The following CCDC174 variants were observed in gnomAD, a reference collection of about 807,000 sequenced individuals.
CCDC174 encodes the protein coiled-coil domain-containing protein 174.
In CCDC174, 37 loss-of-function variants were observed where a neutral mutation model predicts 57.1. The observed-to-expected ratio is 0.65, with a 90% CI of 0.50 to 0.85. The LOEUF is 0.85. CCDC174 is among the 40% of genes least tolerant of loss of function. The probability of loss-of-function intolerance (pLI) is 0.00; values close to 1 mark genes in which losing one functional copy is unlikely to be tolerated. For missense variants in CCDC174, 540 were observed against 574.3 expected, an observed-to-expected ratio of 0.94 and a Z score of 0.61; for synonymous variants, 182 against 190.2, an observed-to-expected ratio of 0.96 and a Z score of 0.35.
At chr3:14,654,296 C>T (rs2030876235) in intron 1 of CCDC174, 130 bp from the exon 2 acceptor site, 1 of 639,450 alleles carries the variant, frequency 1.6e-6, no homozygotes, top group Non-Finnish European at 2.8e-6. Flanking sequence ...GTTACTTAAA[C>T]ATTTAGTTTT....
rs1307611289 is a variant in CCDC174, at chr3:14,661,590, A to G, written c.368A>G (p.Lys123Arg). 1.2e-6 allele frequency: 2 copies of G among 1,614,100 alleles called. No individual in the cohort carries two copies. The highest frequency in any genetic ancestry group is 2.2e-5 in the East Asian group (1 of 44,900). ...DFTQKIIDKR[K>R]EMEASGAHRD... is the part of the protein sequence containing the mutation. ...ACACAGAAGATCATAGACAAGCGCA[A>G]AGAAATGGAGGCATCTGGTGCCCAT... is the stretch of plus-strand genomic sequence containing the variant. Residue 123 changes from lysine to arginine, a missense_variant, in exon 5 of 11, where the codon AAA (lysine) becomes AGA (arginine). Physicochemically the swap from Lys to Arg is conservative, Grantham distance 26. Coordinates refer to ENST00000383794, the MANE Select transcript of CCDC174 (RefSeq NM_016474.5).
chr3:14,667,551 G>C lies in CCDC174; in HGVS notation c.819+33G>C, dbSNP rs2280382. ...TAAATCCCAAGTGACTGTGAGGAAAGATGTGAGCGCTTGGTTTCTTGCTGG... is the reference window on the plus strand; with the variant it reads ...TAAATCCCAAGTGACTGTGAGGAAACATGTGAGCGCTTGGTTTCTTGCTGG... On this transcript the variant is annotated intron_variant, in intron 8 of 10. Coordinates refer to ENST00000383794, the MANE Select transcript of CCDC174 (RefSeq NM_016474.5). 187,616 of 1,532,718 alleles carry C rather than the reference G, an allele frequency of 0.12. 12,328 individuals are homozygous for C. The highest frequency in any genetic ancestry group is 0.23 in the Middle Eastern group (1,329 of 5,886). The allele number at this position is 1,532,718 out of a possible 1,614,324, so 94.9% of individuals were successfully genotyped here.
intron 3 of CCDC174, among the ~76,000 whole-genome samples, chr3:14,658,393 A>G (rs1294582612): frequency 2.0e-5 from 3 of 152,254 alleles, no homozygotes; most frequent in African/African-American, 7.2e-5. Context: ...CTTTACCATC[A>G]TTAAGTATTT....
intron 5 of CCDC174, among the ~76,000 whole-genome samples, chr3:14,662,733 T>C (rs1416318239): frequency 3.9e-5 from 6 of 152,198 alleles, no homozygotes; most frequent in Non-Finnish European, 8.8e-5. Flanking sequence ...TGCTCAGGAC[T>C]CTTTGTAGCA....
chr3:14,654,104 T>A (rs2030870286), intron 1 of CCDC174, among the ~76,000 whole-genome samples: 1 of 152,224 alleles, frequency 6.6e-6, no homozygotes, highest in African/African-American at 2.4e-5. Context: ...TGCTTAATAA[T>A]GCAAGTTTAA....
rs1410952036 is a variant in CCDC174, at chr3:14,651,797, A to G, written c.-40A>G. ...TAGGCTTACGAGGCCTGTGTCGGGT[A>G]GAAAGGGTCCTTCCTGGACCGGGAC... On this transcript the variant is annotated 5_prime_UTR_variant, in exon 1 of 11. Transcript: ENST00000383794. The G allele has an allele frequency of 3.7e-6, 6 of 1,610,994 alleles. No individual in the cohort carries two copies. In the East Asian group the frequency reaches 1.1e-4, roughly 30 times the overall value.
At chr3:14,664,915 G>A in intron 5 of CCDC174, 113 bp from the exon 6 acceptor site, 1 of 742,546 alleles carries the variant, frequency 1.3e-6, no homozygotes, top group Non-Finnish European at 2.4e-6. Flanking sequence ...GAGGTTGGGG[G>A]CTCTTCTTGG....
At chr3:14,653,727 A>G (rs1362800631) in intron 1 of CCDC174, among the ~76,000 whole-genome samples, 1 of 152,168 alleles carries the variant, frequency 6.6e-6, no homozygotes, top group African/African-American at 2.4e-5. Flanking sequence ...TGATTCAGCC[A>G]AGCTTACGGT....
chr3:14,664,884 C>T (rs1339900866), intron 5 of CCDC174, 144 bp from the exon 6 acceptor site: 1 of 667,946 alleles, frequency 1.5e-6, no homozygotes, highest in Non-Finnish European at 2.7e-6. Context: ...AAGCATATTC[C>T]TATCAGTGGT....
At chr3:14,667,599 T>A in intron 8 of CCDC174, 81 bp downstream of exon 8, 1 of 1,004,662 alleles carries the variant, frequency 1.0e-6, no homozygotes, top group Admixed American at 2.1e-5. Flanking sequence ...AAAAATCTAG[T>A]AAATTAGTTA....
chr3:14,652,277 A>G (rs2030797182), intron 1 of CCDC174, among the ~76,000 whole-genome samples: 2 of 152,104 alleles, frequency 1.3e-5, no homozygotes, highest in South Asian at 2.1e-4. Context: ...TCCTCCATCC[A>G]GGGACCCACA....
rs770540049 is a variant in CCDC174, at chr3:14,670,878, C to G, written c.1106-18C>G. 1.3e-6 allele frequency: 2 copies of G among 1,572,952 alleles called. No homozygotes were observed. The highest frequency in any genetic ancestry group is 3.6e-5 in the Admixed American group (2 of 54,966). On this transcript the variant is annotated intron_variant, in intron 10 of 10. Coordinates refer to ENST00000383794, the MANE Select transcript of CCDC174 (RefSeq NM_016474.5). ...TTCGTTAATCAGTTCTAATAACTTT[C>G]TTTCTTATTTTTACCAGAATTTTCC...
chr3:14,654,851 T>C (rs1468346368), intron 2 of CCDC174, among the ~76,000 whole-genome samples: 1 of 152,226 alleles, frequency 6.6e-6, no homozygotes, highest in Non-Finnish European at 1.5e-5. Context: ...AATATAGGAA[T>C]ATAGCGGAAA....
At position 14,667,499 on chromosome 3, in the gene CCDC174, T is replaced by TA; in HGVS notation, c.801dup (p.Glu268ArgfsTer5). On this transcript the variant is annotated frameshift_variant, in exon 8 of 11. Coordinates refer to ENST00000383794, the MANE Select transcript of CCDC174 (RefSeq NM_016474.5). LOFTEE classifies it high-confidence loss of function. ...TTGAGAAACAAGCAGATGAAAACCT[T>TA]AGAGATGCTGCGTGAACAGGTACAG... is the stretch of plus-strand genomic sequence containing the variant. 1 of 1,613,686 alleles carries TA rather than the reference T, an allele frequency of 6.2e-7. No individual in the cohort carries two copies.
intron 9 of CCDC174, 136 bp downstream of exon 9, chr3:14,668,317 G>C (rs73139865): frequency 0.01 from 8,112 of 791,338 alleles, 87 homozygotes; most frequent in African/African-American, 0.043. Flanking sequence ...TGAGGTACTG[G>C]CAGGAGCAAT....
At chr3:14,669,901 T>A (rs2031458090) in intron 9 of CCDC174, 33 bp from the exon 10 acceptor site, 1 of 1,607,562 alleles carries the variant, frequency 6.2e-7, no homozygotes, top group Non-Finnish European at 8.5e-7. Context: ...TAGGCTTTTT[T>A]ATAACAGTGT....
intron 5 of CCDC174, among the ~76,000 whole-genome samples, chr3:14,664,551 T>C (rs2031254844): frequency 6.6e-6 from 1 of 152,228 alleles, no homozygotes; most frequent in African/African-American, 2.4e-5. Context: ...GTGCATTTCT[T>C]ACATTAAGAG....
chr3:14,666,037 CAAAAAAAAAAAA>C (rs71038422), intron 6 of CCDC174, among the ~76,000 whole-genome samples: 2 of 84,802 alleles, frequency 2.4e-5, no homozygotes, highest in African/African-American at 9.1e-5. Flanking sequence ...GACTCCGTCT[CAAAAAAAAAAAA>C]AAAAAAAAAA....
intron 6 of CCDC174, among the ~76,000 whole-genome samples, chr3:14,665,762 G>T (rs888610647): frequency 6.6e-6 from 1 of 152,076 alleles, no homozygotes; most frequent in Non-Finnish European, 1.5e-5. Context: ...TGGGCGCGGT[G>T]GCTCACGCCT....
Sources: allele counts gnomAD v4.1 joint callset (sites outside exome capture counted in the v4.1 genomes callset), GRCh38; gene constraint gnomAD v4.1.1; transcripts MANE v1.5; gene names NCBI Gene and HGNC (gene_info 2026-07-23, HGNC 2026-07-21).